The following GSE1 variants were observed in gnomAD, a reference collection of about 807,000 sequenced individuals.
The protein encoded by GSE1 is genetic suppressor element 1.
GSE1 carries 32 observed loss-of-function variants against 112.6 expected under a neutral mutation model. That is an observed-to-expected ratio of 0.28 (90% CI 0.21 to 0.38). GSE1 has a LOEUF of 0.38. Among genes scored for constraint, GSE1 ranks in the 10% least tolerant of loss-of-function variants. The probability of loss-of-function intolerance (pLI) is 1.00; values close to 1 mark genes in which losing one functional copy is unlikely to be tolerated. For missense variants in GSE1, 2,348 were observed against 1,699.2 expected (o/e 1.38, Z -6.71); for synonymous variants, 1,115 against 735.6 (o/e 1.52, Z -8.35).
At chr16:85,301,148 G>A (rs1268923443) in intron 1 of GSE1, among the ~76,000 whole-genome samples, 4 of 152,218 alleles carry the variant, frequency 2.6e-5, no homozygotes, top group Non-Finnish European at 4.4e-5. Context: ...ACATGGCGCC[G>A]TGGTGGTCAG....
At chr16:85,644,597 A>C (rs755667994) in intron 2 of GSE1, among the ~76,000 whole-genome samples, 23 of 152,138 alleles carry the variant, frequency 1.5e-4, no homozygotes, top group Non-Finnish European at 2.9e-4. Flanking sequence ...CTTGATGTGA[A>C]GTCTCCGGAA....
At chr16:85,245,930 T>A (rs1441930563) in intron 1 of GSE1, among the ~76,000 whole-genome samples, 2 of 150,500 alleles carry the variant, frequency 1.3e-5, no homozygotes, top group African/African-American at 4.9e-5. Context: ...TGGGGAGGTG[T>A]CTGCGTGTGT....
intron 2 of GSE1, among the ~76,000 whole-genome samples, chr16:85,414,956 T>G (rs968113017): frequency 1.3e-5 from 2 of 152,178 alleles, no homozygotes; most frequent in African/African-American, 4.8e-5. Flanking sequence ...TTTATTTATT[T>G]ACTTTTGATA....
rs1567729926 is a variant in GSE1 at position 85,654,468 on chromosome 16, G to T, written c.599+18G>T. ...CCACTCAAGTAAGTTGGTCGGCGGG[G>T]ACTTCGGTGAGGTGGCCAGGTGGGG... On this transcript the variant is annotated intron_variant, in intron 4 of 15. Transcript: ENST00000253458. The T allele has an allele frequency of 6.4e-7, 1 of 1,552,352 alleles. No individual in the cohort carries two copies. Among genetic ancestry groups the T allele is most frequent in the East Asian group, 2.3e-5 (1 of 44,392 alleles).
chr16:85,359,677 C>T (rs2047023651), intron 2 of GSE1, among the ~76,000 whole-genome samples: 1 of 152,192 alleles, frequency 6.6e-6, no homozygotes, highest in African/African-American at 2.4e-5. Context: ...GAAACAGTGT[C>T]CTGCAGGCCA....
chr16:85,604,591 T>TC (rs1405054596), intron 1 of GSE1, among the ~76,000 whole-genome samples: 7 of 149,060 alleles, frequency 4.7e-5, no homozygotes, highest in African/African-American at 1.5e-4. Context: ...GTTTATCTCT[T>TC]CCCCCCGTTG....
rs182570159 is a variant in GSE1 at position 85,672,701 on chromosome 16, C to T, written c.*162C>T. On this transcript the variant is annotated 3_prime_UTR_variant, in exon 16 of 16. Transcript: ENST00000253458. ...AGGCTCCAGAAAAAATGAATGAACT[C>T]ACCTTGACGTCAATGCAATTGAATC... The T allele has an allele frequency of 1.0e-4, 49 of 466,810 alleles. No individual in the cohort carries two copies. The highest frequency in any genetic ancestry group is 5.2e-4 in the Admixed American group (14 of 27,060). 28.9% of individuals were successfully genotyped at this position (466,810 alleles called of 1,614,324 possible). A position where few individuals can be genotyped will look rare whatever the true frequency, so the allele number is the denominator to read the frequency against.
intron 2 of GSE1, among the ~76,000 whole-genome samples, chr16:85,445,607 T>G (rs1455021137): frequency 3.9e-5 from 6 of 152,184 alleles, no homozygotes; most frequent in Admixed American, 3.9e-4. Context: ...AGTCGCACTT[T>G]TATTGGATTG....
rs181092058 is a variant in GSE1, at chr16:85,621,411, G to A, written c.7+8013G>A. On this transcript the variant is annotated intron_variant, in intron 1 of 15. Coordinates refer to ENST00000253458, the MANE Select transcript of GSE1 (RefSeq NM_014615.5). ...AGGGAGTGGAGTGTGCGCTGAGATCGTATCTATTTTAAATCAAGCCGATGT... is the reference window on the plus strand; with the variant it reads ...AGGGAGTGGAGTGTGCGCTGAGATCATATCTATTTTAAATCAAGCCGATGT... 1.2e-4 allele frequency among the ~76,000 whole-genome samples: 18 copies of A among 152,350 alleles called. No homozygotes were observed. The East Asian group carries it at 3.3e-3, about 28-fold the overall frequency.
At chr16:85,609,695 C>T (rs1285938289), upstream of GSE1, among the ~76,000 whole-genome samples, 1 of 152,064 alleles carries the variant, frequency 6.6e-6, no homozygotes, top group African/African-American at 2.4e-5. Flanking sequence ...CACTCTGTCG[C>T]CCAGGCTAGA....
Position 85,311,631 on chromosome 16 carries a change from CCAGGGCCCCTTGGG to C in GSE1, c.2284-45830_2284-45817del, listed in dbSNP as rs2045851242. 6.6e-6 allele frequency among the ~76,000 whole-genome samples: 1 copy of C among 152,164 alleles called. No individual in the cohort carries two copies. Among genetic ancestry groups the C allele is most frequent in the Non-Finnish European group, 1.5e-5 (1 of 68,008 alleles). The stretch of plus-strand genomic sequence containing the variant: ...CTTCGGTGCCCCTGGGGGTCCTTCT[CCAGGGCCCCTTGGG>C]CTGTGTACCTGGGCCTGGTGGCTCT... On this transcript the variant is annotated intron_variant, in intron 1 of 2. Coordinates refer to the GSE1 transcript ENST00000637419. The surrounding 1 kb of genome is among the most constrained non-coding windows in gnomAD (Gnocchi z 4.2).
intron 1 of GSE1, among the ~76,000 whole-genome samples, chr16:85,191,580 A>G (rs1235401539): frequency 6.6e-6 from 1 of 152,128 alleles, no homozygotes; most frequent in Non-Finnish European, 1.5e-5. Flanking sequence ...CCCCCTCGGC[A>G]TGTTCAGTAC....
chr16:85,249,413 T>C (rs1023384956), intron 1 of GSE1, among the ~76,000 whole-genome samples: 12 of 152,352 alleles, frequency 7.9e-5, no homozygotes, highest in African/African-American at 2.6e-4. Context: ...TCTGTGGGCC[T>C]GTGCAGGCAG....
chr16:85,335,382 G>T (rs940743074), intron 1 of GSE1, among the ~76,000 whole-genome samples: 14 of 152,240 alleles, frequency 9.2e-5, no homozygotes, highest in Non-Finnish European at 1.0e-4. Context: ...GAGTTCAGTC[G>T]GCTTTTTAAT....
At chr16:85,476,731 C>T (rs1175277563) in intron 2 of GSE1, among the ~76,000 whole-genome samples, 1 of 151,894 alleles carries the variant, frequency 6.6e-6, no homozygotes, top group East Asian at 1.9e-4. Context: ...ACCGCAGCCT[C>T]CCCAGTAGCT....
intron 1 of GSE1, among the ~76,000 whole-genome samples, chr16:85,212,790 G>A (rs1325316325): frequency 6.6e-6 from 1 of 152,152 alleles, no homozygotes; most frequent in Non-Finnish European, 1.5e-5. Context: ...GTAGGAAGAG[G>A]GGGCGTCTGT....
intron 1 of GSE1, among the ~76,000 whole-genome samples, chr16:85,303,968 A>G (rs1313214032): frequency 5.3e-5 from 8 of 152,304 alleles, no homozygotes. Context: ...AAGACAGCGG[A>G]GACAATGAGA....
At position 85,358,717 on chromosome 16, in the gene GSE1, AG is replaced by A. The variant is rs2047004579; in HGVS notation, c.2464+1077del. Among the ~76,000 whole-genome samples, 4 of 152,192 alleles carry A rather than the reference AG, an allele frequency of 2.6e-5. No individual in the cohort carries two copies. In the South Asian group the frequency reaches 8.3e-4, roughly 32 times the overall value. ...AGGGAAGGGGCTGGCCAGGGGCTTT[AG>A]GGACGCTGACCCCTCTGAAGGGCTT... On this transcript the variant is annotated intron_variant, in intron 2 of 2. Coordinates refer to the GSE1 transcript ENST00000637419.
chr16:85,672,937 C>G lies in GSE1; in HGVS notation c.*398C>G, dbSNP rs2053463124. ...CTTGTGTTGCCATGTTACTATGCCT[C>G]AAGCCCAGTTTGCTTTTGCCGCAGC... On this transcript the variant is annotated 3_prime_UTR_variant, in exon 16 of 16. Transcript: ENST00000253458. The G allele has an allele frequency of 6.5e-6, 1 of 154,214 alleles. No homozygotes were observed. Among genetic ancestry groups the G allele is most frequent in the South Asian group, 2.1e-4 (1 of 4,876 alleles). 9.6% of individuals were successfully genotyped at this position (154,214 alleles called of 1,614,324 possible). A position where few individuals can be genotyped will look rare whatever the true frequency, so the allele number is the denominator to read the frequency against.
Sources: gnomAD v4.1 joint callset for allele counts (sites outside exome capture counted in the v4.1 genomes callset) on GRCh38, gnomAD v4.1.1 for gene constraint, Gnocchi (gnomAD v3.1) non-coding constraint, MANE v1.5 for transcripts, NCBI Gene and HGNC (gene_info 2026-07-23, HGNC 2026-07-21) for gene names.